CCDC80: variants seen among roughly 807,000 people sequenced by gnomAD.
CCDC80 encodes coiled-coil domain containing 80, also known as coiled-coil domain-containing protein 80.
Under a neutral mutation model 78.7 loss-of-function variants are expected in CCDC80, and 49 were observed. That is an observed-to-expected ratio of 0.62 (90% CI 0.50 to 0.79). The LOEUF is 0.79. CCDC80 is among the 30% of genes least tolerant of loss of function. The probability of loss-of-function intolerance (pLI) is 0.00; values close to 1 mark genes in which losing one functional copy is unlikely to be tolerated. For synonymous variants in CCDC80, 488 were observed against 447.0 expected, an observed-to-expected ratio of 1.09 and a Z score of -1.16; for missense variants, 1,205 against 1,198.6, an observed-to-expected ratio of 1.01 and a Z score of -0.08.
intron 5 of CCDC80, among the ~76,000 whole-genome samples, chr3:112,614,525 A>G (rs1166791080): frequency 7.9e-5 from 12 of 151,752 alleles, no homozygotes; most frequent in Admixed American, 7.9e-4. Flanking sequence ...AGACCAGACA[A>G]AGAGCCATTG....
At chr3:112,612,974 C>G (rs1217379142) in intron 5 of CCDC80, among the ~76,000 whole-genome samples, 1 of 151,448 alleles carries the variant, frequency 6.6e-6, no homozygotes, top group Non-Finnish European at 1.5e-5. Context: ...TCTATAGGAC[C>G]AGAATAACTG....
At chr3:112,611,163 T>C (rs1438693220) in intron 5 of CCDC80, among the ~76,000 whole-genome samples, 1 of 152,178 alleles carries the variant, frequency 6.6e-6, no homozygotes, top group African/African-American at 2.4e-5. Context: ...TCTGCCCTCC[T>C]CGGCCTCCCA....
rs529796122 is a variant in CCDC80 at position 112,609,235 on chromosome 3, T to A, written c.2425+743A>T. Among the ~76,000 whole-genome samples the A allele has an allele frequency of 2.8e-3, 425 of 152,346 alleles. 3 individuals carry two copies. The highest frequency in any genetic ancestry group is 4.4e-3 in the Non-Finnish European group (302 of 68,028). On this transcript the variant is annotated intron_variant, in intron 6 of 7. Transcript: ENST00000206423. The stretch of plus-strand genomic sequence containing the variant: ...GAACTTAGTAGTAAGTTCTATATAC[T>A]ATTCATTTTACTGCCTATATATCCA...
At chr3:112,635,355 G>A (rs1157436531) in intron 2 of CCDC80, among the ~76,000 whole-genome samples, 2 of 152,220 alleles carry the variant, frequency 1.3e-5, no homozygotes, top group Non-Finnish European at 2.9e-5. Flanking sequence ...GTTAAGGCCA[G>A]TTGGAGGTAG....
In CCDC80 at chr3:112,638,494, C is replaced by T. The variant is rs745884821; in HGVS notation, c.1412G>A (p.Arg471Gln). ...ATTTGGGTCTCGGTGGCCATGTTCC[C>T]GCCTGTCCATGCGGTTGTCCCGGAA... ...GRFRDNRMDR[R>Q]EHGHRDPNVV... is the part of the protein sequence containing the mutation. Residue 471 changes from arginine (R) to glutamine (Q), a missense_variant, in exon 2 of 8, where the codon CGG (arginine) becomes CAG (glutamine). Physicochemically the swap from Arg to Gln is conservative, Grantham distance 43 (BLOSUM62 1). Coordinates refer to ENST00000206423, the MANE Select transcript of CCDC80 (RefSeq NM_199511.3). 3.1e-5 allele frequency: 50 copies of T among 1,613,532 alleles called. No homozygotes were observed. Among genetic ancestry groups the T allele is most frequent in the African/African-American group, 6.7e-5 (5 of 74,728 alleles).
At chr3:112,613,419 TA>T (rs1935671999) in intron 5 of CCDC80, among the ~76,000 whole-genome samples, 1 of 152,180 alleles carries the variant, frequency 6.6e-6, no homozygotes, top group Admixed American at 6.5e-5. Context: ...ACTCTTACAT[TA>T]GGTGGAAAAT....
At chr3:112,610,931 T>C (rs1016551361) in intron 5 of CCDC80, among the ~76,000 whole-genome samples, 1 of 148,874 alleles carries the variant, frequency 6.7e-6, no homozygotes, top group Non-Finnish European at 1.5e-5. Flanking sequence ...TTTTTTTTTT[T>C]TGAGACAGAG....
At chr3:112,627,570 A>T (rs1053392233) in intron 3 of CCDC80, among the ~76,000 whole-genome samples, 6 of 152,196 alleles carry the variant, frequency 3.9e-5, no homozygotes, top group Admixed American at 2.0e-4. Context: ...TTTTTAAGGA[A>T]AAGTAAGGCC....
intron 2 of CCDC80, among the ~76,000 whole-genome samples, chr3:112,637,423 C>A (rs1428691725): frequency 6.6e-6 from 1 of 152,142 alleles, no homozygotes; most frequent in Non-Finnish European, 1.5e-5. Context: ...GAGGGTCATA[C>A]CAACAAGGAC....
intron 5 of CCDC80, 51 bp downstream of exon 5, chr3:112,616,659 A>G (rs747624235): frequency 1.9e-6 from 3 of 1,605,516 alleles, no homozygotes; most frequent in Non-Finnish European, 1.7e-6. Flanking sequence ...TCATGAGCTC[A>G]CTCAGAACAA....
intron 4 of CCDC80, among the ~76,000 whole-genome samples, chr3:112,617,669 T>C (rs1559877087): frequency 6.6e-6 from 1 of 152,390 alleles, no homozygotes; most frequent in South Asian, 2.1e-4. Context: ...ATATGTTGCA[T>C]GTTGGGTCAG....
In CCDC80 at chr3:112,607,120, G is replaced by GT. The variant is rs768214490; in HGVS notation, c.2506+55dup. On this transcript the variant is annotated intron_variant, in intron 7 of 7. Coordinates refer to ENST00000206423, the MANE Select transcript of CCDC80 (RefSeq NM_199511.3). ...ACCCACTGCTTGCATATAACTTAAT[G>GT]TAATTTAACTGAACTTAACACTAGT... 2.8e-4 allele frequency: 361 copies of GT among 1,310,274 alleles called. 2 individuals carry two copies. Among genetic ancestry groups the GT allele is most frequent in the Non-Finnish European group, 3.8e-4 (352 of 918,770 alleles). The allele number at this position is 1,310,274 out of a possible 1,614,324, so 81.2% of individuals were successfully genotyped here.
At chr3:112,616,909 T>C (rs755978679) in intron 4 of CCDC80, 51 bp from the exon 5 acceptor site, 1 of 1,583,238 alleles carries the variant, frequency 6.3e-7, no homozygotes, top group Admixed American at 1.7e-5. Context: ...ATTTCTTCTC[T>C]CTATTCAGAG....
At chr3:112,637,988 C>A in intron 2 of CCDC80, 40 bp downstream of exon 2, 1 of 1,557,508 alleles carries the variant, frequency 6.4e-7, no homozygotes, top group Non-Finnish European at 8.6e-7. Flanking sequence ...ACATGCCCTG[C>A]CTCAGCCCAT....
intron 4 of CCDC80, among the ~76,000 whole-genome samples, chr3:112,618,544 AC>A (rs11337956): frequency 0.076 from 11,597 of 151,682 alleles, 1,120 homozygotes; most frequent in African/African-American, 0.22. Flanking sequence ...TAAAAAAAAA[AC>A]AACCCCAAAC....
intron 5 of CCDC80, among the ~76,000 whole-genome samples, chr3:112,612,899 T>G (rs1272234114): frequency 2.7e-5 from 4 of 148,034 alleles, no homozygotes; most frequent in Non-Finnish European, 5.9e-5. Flanking sequence ...TCTCTTTGCC[T>G]GGGTTTCAAT....
At position 112,638,821 on chromosome 3, in the gene CCDC80, G is replaced by C. The variant is rs140656564; in HGVS notation, c.1085C>G (p.Thr362Ser). ...TLPPAPATTV[T>S]RSTSRAVTVA... The stretch of plus-strand genomic sequence containing the variant: ...TGTTACCGCCCGGGACGTGGACCGA[G>C]TCACTGTTGTGGCTGGGGCAGGAGG... The change falls in exon 2 of 8, where the codon ACT becomes AGT. Residue 362 changes from threonine (T) to serine (S), a missense_variant. By Grantham distance (58) the Thr-to-Ser change is moderately conservative (BLOSUM62 1). Transcript: ENST00000206423. 437 of 1,613,868 alleles carry C rather than the reference G, an allele frequency of 2.7e-4. 2 individuals carry two copies. The African/African-American group carries it at 5.6e-3, about 21-fold the overall frequency.
At chr3:112,618,325 C>A (rs965862874) in intron 4 of CCDC80, among the ~76,000 whole-genome samples, 2 of 152,132 alleles carry the variant, frequency 1.3e-5, no homozygotes, top group Admixed American at 6.5e-5. Context: ...TCGAGACCAT[C>A]CTTGCTAACA....
rs779780816 is a variant in CCDC80, at chr3:112,605,439, T to A, written c.2831A>T (p.Tyr944Phe). Reference protein sequence around the residue: ...YQDDYRHHESYHHGYPY With the variant: ...YQDDYRHHESFHHGYPY ...TGCTCAGTAAGGGTATCCATGGTGA[T>A]AACTCTCATGATGACGGTAGTCATC... Residue 944 changes from tyrosine to phenylalanine, a missense_variant, in exon 8 of 8, where the codon TAT becomes TTT. Coordinates refer to ENST00000206423, the MANE Select transcript of CCDC80 (RefSeq NM_199511.3). 5 of 1,613,494 alleles carry A rather than the reference T, an allele frequency of 3.1e-6. No homozygotes were observed. In the South Asian group the frequency reaches 5.5e-5, roughly 18 times the overall value.
Sources: allele counts gnomAD v4.1 joint callset (sites outside exome capture counted in the v4.1 genomes callset), GRCh38; gene constraint gnomAD v4.1.1; transcripts MANE v1.5; gene names NCBI Gene and HGNC (gene_info 2026-07-23, HGNC 2026-07-21).